The following MACROD2 variants were observed in gnomAD, a reference collection of about 807,000 sequenced individuals.
The protein encoded by MACROD2 is ADP-ribose glycohydrolase MACROD2.
Under a neutral mutation model 70.4 loss-of-function variants are expected in MACROD2, and 36 were observed. The observed-to-expected ratio is 0.51, with a 90% CI of 0.39 to 0.68. The LOEUF (loss-of-function observed/expected upper bound fraction) is 0.68. Among genes scored for constraint, MACROD2 ranks in the 30% least tolerant of loss-of-function variants. The pLI is 0.00. For missense variants in MACROD2, 496 were observed against 538.4 expected (o/e 0.92, Z 0.78); for synonymous variants, 172 against 178.8 (o/e 0.96, Z 0.30).
intron 5 of MACROD2, among the ~76,000 whole-genome samples, chr20:15,036,000 A>T (rs1056144851): frequency 1.3e-5 from 2 of 152,074 alleles, no homozygotes; most frequent in Admixed American, 6.6e-5. Context: ...TGGGGGGAGG[A>T]TGGTCTGCCT....
chr20:15,289,870 G>A (rs2077526492), intron 6 of MACROD2, among the ~76,000 whole-genome samples: 1 of 152,156 alleles, frequency 6.6e-6, no homozygotes, highest in Admixed American at 6.5e-5. Context: ...CAATGACAAT[G>A]GAGGTAGAAA....
At chr20:15,142,350 G>T (rs2076197946) in intron 5 of MACROD2, among the ~76,000 whole-genome samples, 1 of 152,048 alleles carries the variant, frequency 6.6e-6, no homozygotes, top group South Asian at 2.1e-4. Context: ...TCAAAGTAAA[G>T]CCCCAAAATT....
intron 3 of MACROD2, among the ~76,000 whole-genome samples, chr20:14,306,669 G>C (rs1176808481): frequency 6.6e-6 from 1 of 152,050 alleles, no homozygotes; most frequent in Non-Finnish European, 1.5e-5. Flanking sequence ...CTATCTTCTA[G>C]GGAGAGGACA....
intron 5 of MACROD2, among the ~76,000 whole-genome samples, chr20:15,176,670 T>TC (rs1387024888): frequency 6.6e-6 from 1 of 152,106 alleles, no homozygotes; most frequent in African/African-American, 2.4e-5. Context: ...CCCCCAATTG[T>TC]CCATCTATCT....
In MACROD2 at chr20:14,199,312, G is replaced by A. The variant is rs189389405; in HGVS notation, c.271+113584G>A. Among the ~76,000 whole-genome samples, 125 of 152,296 alleles carry A rather than the reference G, an allele frequency of 8.2e-4. 2 individuals carry two copies. Among genetic ancestry groups the A allele is most frequent in the South Asian group, 2.5e-3 (12 of 4,814 alleles). On this transcript the variant is annotated intron_variant, in intron 3 of 17. Transcript: ENST00000684519. ...TAGAGCTTTTGCTAGAAAACCTGGA[G>A]GGCAGCCAGCCAAGAGCTCTGTAAT...
At chr20:14,731,335 C>A (rs922883335) in intron 5 of MACROD2, among the ~76,000 whole-genome samples, 3 of 152,012 alleles carry the variant, frequency 2.0e-5, no homozygotes, top group African/African-American at 7.2e-5. Context: ...TTATAGAGAT[C>A]GTTCTAATGA....
intron 2 of MACROD2, among the ~76,000 whole-genome samples, chr20:14,007,064 AACC>A (rs1200595809): frequency 3.3e-5 from 5 of 152,318 alleles, no homozygotes; most frequent in Non-Finnish European, 7.4e-5. Flanking sequence ...GTTCTCTGAC[AACC>A]TTTTACCTAA....
At chr20:14,590,139 G>A (rs1341555051) in intron 4 of MACROD2, among the ~76,000 whole-genome samples, 2 of 151,898 alleles carry the variant, frequency 1.3e-5, no homozygotes, top group Admixed American at 6.6e-5. Flanking sequence ...CTACATTAAG[G>A]TGGTCATACA....
At chr20:14,058,441 CAA>C (rs10715069) in intron 2 of MACROD2, among the ~76,000 whole-genome samples, 32 of 148,250 alleles carry the variant, frequency 2.2e-4, no homozygotes, top group East Asian at 7.9e-4. Flanking sequence ...TAGAAAAATA[CAA>C]AAAAAAAAAT....
Position 15,842,675 on chromosome 20 carries a change from A to G in MACROD2, c.646-20070A>G, listed in dbSNP as rs187298685. Among the ~76,000 whole-genome samples the G allele has an allele frequency of 3.9e-3, 584 of 151,476 alleles. 6 individuals carry two copies. Among genetic ancestry groups the G allele is most frequent in the Non-Finnish European group, 4.6e-3 (315 of 67,914 alleles). ...TTTGATGCTTGGATTAGAAAGATGG[A>G]TGTACGGATAGATGGTTGGATGGGG... On this transcript the variant is annotated intron_variant, in intron 8 of 17. Transcript: ENST00000684519.
intron 3 of MACROD2, among the ~76,000 whole-genome samples, chr20:14,187,885 G>A (rs529993164): frequency 4.6e-5 from 7 of 152,084 alleles, no homozygotes; most frequent in South Asian, 4.1e-4. Context: ...TGATCCACTG[G>A]TCTGTACTAA....
At chr20:14,947,792 G>A (rs1162106032) in intron 5 of MACROD2, among the ~76,000 whole-genome samples, 1 of 152,172 alleles carries the variant, frequency 6.6e-6, no homozygotes, top group African/African-American at 2.4e-5. Flanking sequence ...GGTGAGGACT[G>A]CAGTTTGGTC....
chr20:14,929,316 C>G, intron 5 of MACROD2: 1 of 152,136 alleles, frequency 6.6e-6, no homozygotes, highest in East Asian at 1.9e-4. Flanking sequence ...CTCACGATTC[C>G]CTCAAGTTCA....
intron 10 of MACROD2, among the ~76,000 whole-genome samples, chr20:15,929,098 G>A (rs1419436217): frequency 6.6e-6 from 1 of 152,184 alleles, no homozygotes; most frequent in Non-Finnish European, 1.5e-5. Flanking sequence ...TCACAGGTCT[G>A]TAAGATGACT....
chr20:15,372,038 T>C (rs566839627), intron 6 of MACROD2, among the ~76,000 whole-genome samples: 99 of 152,380 alleles, frequency 6.5e-4, no homozygotes, highest in African/African-American at 2.0e-3. Flanking sequence ...TTTTATTTTT[T>C]GTGTGAACAC....
chr20:15,132,967 A>C (rs905504062), intron 5 of MACROD2, among the ~76,000 whole-genome samples: 2 of 152,096 alleles, frequency 1.3e-5, no homozygotes, highest in African/African-American at 4.8e-5. Flanking sequence ...ACCTTCAGTA[A>C]ATAATGTGGA....
chr20:15,211,592 T>G (rs950139569), intron 5 of MACROD2, among the ~76,000 whole-genome samples: 1 of 152,022 alleles, frequency 6.6e-6, no homozygotes, highest in Non-Finnish European at 1.5e-5. Flanking sequence ...TGCTGGAATT[T>G]CTTCCTCACT....
At chr20:14,889,372 T>C (rs985918228) in intron 5 of MACROD2, among the ~76,000 whole-genome samples, 8 of 151,860 alleles carry the variant, frequency 5.3e-5, no homozygotes, top group East Asian at 1.9e-4. Context: ...ATTTACATAA[T>C]TAAAATTACA....
At chr20:14,902,031 A>G (rs1178200803) in intron 5 of MACROD2, among the ~76,000 whole-genome samples, 1 of 152,202 alleles carries the variant, frequency 6.6e-6, no homozygotes, top group Non-Finnish European at 1.5e-5. Flanking sequence ...ATATTTCTGA[A>G]AAGATGATTT....
Sources: gnomAD v4.1 joint callset for allele counts (sites outside exome capture counted in the v4.1 genomes callset) on GRCh38, gnomAD v4.1.1 for gene constraint, MANE v1.5 for transcripts, NCBI Gene and HGNC (gene_info 2026-07-23, HGNC 2026-07-21) for gene names.